The following RXRA variants were observed in gnomAD, a reference collection of about 807,000 sequenced individuals.
The protein encoded by RXRA is retinoic acid receptor RXR-alpha.
In RXRA, 5 loss-of-function variants were observed where a neutral mutation model predicts 44.5. The ratio of observed to expected loss-of-function variants is 0.11; its 90% CI spans 0.06 to 0.24. The LOEUF (loss-of-function observed/expected upper bound fraction) is 0.24, where lower values mean the gene tolerates loss of function less well. Ranked by LOEUF, RXRA falls within the 10% of genes least tolerant of loss-of-function variation. The pLI is 1.00. For missense variants in RXRA, 412 were observed against 646.5 expected (o/e 0.64, Z 3.93); for synonymous variants, 291 against 271.4 (o/e 1.07, Z -0.71).
intron 1 of RXRA, among the ~76,000 whole-genome samples, chr9:134,390,302 C>T (rs1012980737): frequency 6.6e-6 from 1 of 152,184 alleles, no homozygotes; most frequent in African/African-American, 2.4e-5. Context: ...GCTCAGCACA[C>T]CCTCCTCTCC....
intron 4 of RXRA, 60 bp downstream of exon 4, chr9:134,409,179 C>G: frequency 6.9e-7 from 1 of 1,450,698 alleles, no homozygotes; most frequent in Non-Finnish European, 9.2e-7. Flanking sequence ...GGGGCCCGGG[C>G]TTGTGCGTGG....
chr9:134,405,126 C>T (rs1831028333), intron 2 of RXRA: 1 of 152,214 alleles, frequency 6.6e-6, no homozygotes, highest in Non-Finnish European at 1.5e-5. Flanking sequence ...CCAAGGCAGA[C>T]CCCCGGGGCG....
intron 2 of RXRA, 134 bp downstream of exon 2, chr9:134,402,016 A>C (rs768367957): frequency 7.3e-5 from 56 of 769,290 alleles, no homozygotes; most frequent in Non-Finnish European, 1.1e-4. Context: ...CGCAGAGTAT[A>C]CAGAGCCTCG....
At position 134,364,317 on chromosome 9, in the gene RXRA, G is replaced by A. The variant is rs116754635; in HGVS notation, c.29-37315G>A. On this transcript the variant is annotated intron_variant, in intron 1 of 9. Coordinates refer to ENST00000481739, the MANE Select transcript of RXRA (RefSeq NM_002957.6). The stretch of plus-strand genomic sequence containing the variant: ...CCCACTGCGTGGGCACCAGGGCACT[G>A]GTGGCTTCAGGGGGCTCCAAGCCCT... Among the ~76,000 whole-genome samples, 109 of 152,368 alleles carry A rather than the reference G, an allele frequency of 7.2e-4. 1 individual carries two copies. Among genetic ancestry groups the A allele is most frequent in the African/African-American group, 2.5e-3 (103 of 41,596 alleles).
chr9:134,420,801 GA>G (rs1303095080), intron 5 of RXRA, among the ~76,000 whole-genome samples: 1 of 152,252 alleles, frequency 6.6e-6, no homozygotes, highest in African/African-American at 2.4e-5. Flanking sequence ...GCCAGGAGCT[GA>G]GGAGGGGCCT....
chr9:134,415,207 G>A (rs1358957261), intron 4 of RXRA, among the ~76,000 whole-genome samples: 2 of 152,236 alleles, frequency 1.3e-5, no homozygotes, highest in African/African-American at 2.4e-5. Flanking sequence ...GCAGGAAACT[G>A]TTGGCACAGG....
Position 134,429,360 on chromosome 9 carries a change from G to A in RXRA, c.1043+120G>A, listed in dbSNP as rs938890784. The A allele has an allele frequency of 5.8e-6, 6 of 1,038,458 alleles. No homozygotes were observed. The African/African-American group carries it at 8.0e-5, about 14-fold the overall frequency. 64.3% of individuals were successfully genotyped at this position (1,038,458 alleles called of 1,614,324 possible). A position where few individuals can be genotyped will look rare whatever the true frequency, so the allele number is the denominator to read the frequency against. On this transcript the variant is annotated intron_variant, in intron 7 of 9. Transcript: ENST00000481739. The stretch of plus-strand genomic sequence containing the variant: ...CTAGTATTATTTCAGTGCATGAAGG[G>A]TGCACACATGGAAAAAGAGAAAAGC...
At chr9:134,339,532 T>A (rs1160461713) in intron 1 of RXRA, among the ~76,000 whole-genome samples, 3 of 150,818 alleles carry the variant, frequency 2.0e-5, no homozygotes, top group Non-Finnish European at 4.4e-5. Context: ...TGTGTGTGTG[T>A]GAGCCCGTGT....
intron 1 of RXRA, among the ~76,000 whole-genome samples, chr9:134,364,898 C>T (rs1040701219): frequency 1.3e-5 from 2 of 152,236 alleles, no homozygotes; most frequent in Non-Finnish European, 2.9e-5. Flanking sequence ...GGCCTCTCGG[C>T]CCCTAGCTCG....
chr9:134,370,589 C>T (rs1830479418), intron 1 of RXRA, among the ~76,000 whole-genome samples: 2 of 152,346 alleles, frequency 1.3e-5, no homozygotes, highest in Non-Finnish European at 1.5e-5. Context: ...CTGGTCATGC[C>T]AGGGCCTTTC....
intron 2 of RXRA, chr9:134,404,583 C>G (rs1831019250): frequency 6.6e-6 from 1 of 152,430 alleles, no homozygotes; most frequent in African/African-American, 2.4e-5. Flanking sequence ...GCAAAGCCTC[C>G]TGGTGGGAGG....
At chr9:134,372,605 G>A (rs1044977534) in intron 1 of RXRA, among the ~76,000 whole-genome samples, 5 of 152,192 alleles carry the variant, frequency 3.3e-5, no homozygotes, top group African/African-American at 1.2e-4. Flanking sequence ...TGGGGTGGGT[G>A]TTATTAGGCT....
At chr9:134,341,517 C>T (rs868966967) in intron 1 of RXRA, among the ~76,000 whole-genome samples, 4 of 152,140 alleles carry the variant, frequency 2.6e-5, no homozygotes, top group Non-Finnish European at 5.9e-5. Context: ...TTTACTTCCC[C>T]GTTGGCTCTT....
chr9:134,434,376 T>C (rs1831581493), intron 9 of RXRA, among the ~76,000 whole-genome samples, 169 bp downstream of exon 9: 1 of 152,080 alleles, frequency 6.6e-6, no homozygotes, highest in Non-Finnish European at 1.5e-5. Context: ...GCCAGTGGGC[T>C]GTGGCGGGCA....
At chr9:134,369,890 G>A (rs1442760611) in intron 1 of RXRA, among the ~76,000 whole-genome samples, 1 of 152,172 alleles carries the variant, frequency 6.6e-6, no homozygotes, top group Non-Finnish European at 1.5e-5. Context: ...TCCCGTGTGT[G>A]CGGGTGCATG....
chr9:134,433,991 T>C lies in RXRA; in HGVS notation c.1136-111T>C, dbSNP rs1298380216. On this transcript the variant is annotated intron_variant, in intron 8 of 9. Transcript: ENST00000481739. The surrounding 1 kb of genome is among the most constrained non-coding windows in gnomAD (Gnocchi z 4.2). ...CCAGCGGCATTCCTCCACCACCTGC[T>C]CTGCCCATGGTGGGGCAGCCTGGGA... 5.5e-5 allele frequency: 40 copies of C among 723,150 alleles called. No individual in the cohort carries two copies. Among genetic ancestry groups the C allele is most frequent in the South Asian group, 3.7e-4 (22 of 59,078 alleles). The allele number at this position is 723,150 out of a possible 1,614,324, so 44.8% of individuals were successfully genotyped here.
At chr9:134,344,283 G>A (rs1685650967) in intron 1 of RXRA, among the ~76,000 whole-genome samples, 1 of 152,162 alleles carries the variant, frequency 6.6e-6, no homozygotes, top group East Asian at 1.9e-4. Context: ...CTCCCTGGGT[G>A]GAGGAGTGGG....
At chr9:134,337,479 A>G (rs1296428362) in intron 1 of RXRA, among the ~76,000 whole-genome samples, 2 of 152,284 alleles carry the variant, frequency 1.3e-5, no homozygotes, top group Non-Finnish European at 2.9e-5. Flanking sequence ...ACCTTGGACC[A>G]GATGTTTTAA....
At chr9:134,424,755 G>T in intron 6 of RXRA, 1 of 985,504 alleles carries the variant, frequency 1.0e-6, no homozygotes, top group Admixed American at 6.1e-5. Context: ...GATACACTGT[G>T]CCTGGCTGGT....
Sources: allele counts gnomAD v4.1 joint callset (sites outside exome capture counted in the v4.1 genomes callset), GRCh38; gene constraint gnomAD v4.1.1; non-coding constraint Gnocchi (gnomAD v3.1); transcripts MANE v1.5; gene names NCBI Gene and HGNC (gene_info 2026-07-23, HGNC 2026-07-21).